Variants in MSI1 observed in about 807,000 individuals in gnomAD.
MSI1 encodes the protein RNA-binding protein Musashi homolog 1.
A neutral mutation model predicts 54.4 loss-of-function variants in MSI1; 15 were observed. The ratio of observed to expected loss-of-function variants is 0.28; its 90% confidence interval spans 0.18 to 0.42. The LOEUF is 0.42. Ranked by LOEUF, MSI1 falls within the 20% of genes least tolerant of loss-of-function variation. MSI1 has a pLI of 1.00. For synonymous variants in MSI1, 200 were observed against 196.5 expected (o/e 1.02, Z -0.15); for missense variants, 304 against 506.0 (o/e 0.60, Z 3.83).
intron 7 of MSI1, 101 bp from the exon 8 acceptor site, chr12:120,357,999 G>C: frequency 3.1e-6 from 3 of 968,328 alleles, no homozygotes; most frequent in Non-Finnish European, 4.9e-6. Flanking sequence ...TCTCTCTGGC[G>C]AGTGAGAGTT....
Position 120,364,750 on chromosome 12 carries a change from G to A in MSI1, c.273C>T (p.Asp91=), listed in dbSNP as rs1470834565. ...SRHELDSKTI[D]PKVAFPRRAQ... is the part of the protein sequence containing the mutation. ...CTCGCCGAGGGAAGGCCACCTTAGG[G>A]TCAATCTACAAGAAAAGGGAGAGGT... The change falls in exon 5 of 15, where the codon GAC becomes GAT. Residue 91 remains aspartate, a synonymous_variant. Transcript: ENST00000257552. 6.3e-7 allele frequency: 1 copy of A among 1,599,688 alleles called. No individual in the cohort carries two copies. Among genetic ancestry groups the A allele is most frequent in the Non-Finnish European group, 8.5e-7 (1 of 1,173,362 alleles).
At chr12:120,355,862 G>A (rs188769668) in intron 9 of MSI1, among the ~76,000 whole-genome samples, 77 of 147,472 alleles carry the variant, frequency 5.2e-4, no homozygotes, top group African/African-American at 1.9e-3. Flanking sequence ...AGCCCATGCC[G>A]TGCCCCCTCC....
At position 120,346,254 on chromosome 12, in the gene MSI1, TC is replaced by T; in HGVS notation, c.927del (p.Thr310ProfsTer43). ...STPSRTGGFL[G>X]TTSPGPMAEL... ...TCGGCCATGGGGCCGGGGCTGGTGG[TC>T]CCCAGGAAGCCCCCTGTGCGGCTGG... On this transcript the variant is annotated frameshift_variant, in exon 13 of 15. Transcript: ENST00000257552. LOFTEE classifies it high-confidence loss of function. 1 of 1,593,172 alleles carries T rather than the reference TC, an allele frequency of 6.3e-7. No homozygotes were observed. Among genetic ancestry groups the T allele is most frequent in the Non-Finnish European group, 8.5e-7 (1 of 1,170,542 alleles).
chr12:120,346,508 C>T (rs1394030607), intron 12 of MSI1, among the ~76,000 whole-genome samples, 186 bp from the exon 13 acceptor site: 1 of 151,808 alleles, frequency 6.6e-6, no homozygotes, highest in African/African-American at 2.4e-5. Flanking sequence ...CCCATCATCT[C>T]GTCTGACCAC....
intron 11 of MSI1, among the ~76,000 whole-genome samples, chr12:120,349,311 C>T (rs1874407524): frequency 6.6e-6 from 1 of 152,122 alleles, no homozygotes; most frequent in Non-Finnish European, 1.5e-5. Flanking sequence ...GTTGGCCAGG[C>T]TGGTCTCAAA....
chr12:120,368,786 G>T lies in MSI1; in HGVS notation c.100+47C>A. 1 of 1,387,656 alleles carries T rather than the reference G, an allele frequency of 7.2e-7. No homozygotes were observed. 86.0% of individuals were successfully genotyped at this position (1,387,656 alleles called of 1,614,324 possible). A position where few individuals can be genotyped will look rare whatever the true frequency, so the allele number is the denominator to read the frequency against. On this transcript the variant is annotated intron_variant, in intron 2 of 14. Coordinates refer to ENST00000257552, the MANE Select transcript of MSI1 (RefSeq NM_002442.4). The surrounding 1 kb of genome is among the most constrained non-coding windows in gnomAD (Gnocchi z 6.6). ...GTGTCCGGGTCCGGGGCGCCGGGGG[G>T]TCCGGGGTGCCCTGCCGGACCGGCG...
chr12:120,345,515 C>T (rs981563024), intron 14 of MSI1, 55 bp downstream of exon 14: 22 of 1,536,838 alleles, frequency 1.4e-5, no homozygotes, highest in Non-Finnish European at 2.0e-5. Flanking sequence ...ATTCGATGGC[C>T]CAGGACAGGC....
intron 14 of MSI1, among the ~76,000 whole-genome samples, chr12:120,345,025 A>G (rs189587304): frequency 9.2e-5 from 14 of 151,864 alleles, no homozygotes; most frequent in Admixed American, 5.2e-4. Context: ...CAAAAATAAA[A>G]TAAAATAATA....
At position 120,341,912 on chromosome 12, in the gene MSI1, G is replaced by T. The variant is rs1873695978; in HGVS notation, c.*1215C>A. The T allele has an allele frequency of 6.6e-6, 1 of 152,654 alleles. No homozygotes were observed. 9.5% of individuals were successfully genotyped at this position (152,654 alleles called of 1,614,324 possible). On this transcript the variant is annotated 3_prime_UTR_variant, in exon 15 of 15. Transcript: ENST00000257552. Reference sequence around the variant, plus strand: ...GCCAGCCAGGCCACTGTTCATGAAGGTCCAACGCTCTGAACCTCTCTTTTT... The same window carrying T: ...GCCAGCCAGGCCACTGTTCATGAAGTTCCAACGCTCTGAACCTCTCTTTTT...
intron 9 of MSI1, 56 bp from the exon 10 acceptor site, chr12:120,353,435 A>G: frequency 6.6e-7 from 1 of 1,520,472 alleles, no homozygotes; most frequent in Non-Finnish European, 9.1e-7. Flanking sequence ...GATCCTGATC[A>G]TGGAGAAGGA....
chr12:120,366,447 G>A (rs184749352), intron 4 of MSI1, among the ~76,000 whole-genome samples: 181 of 151,960 alleles, frequency 1.2e-3, no homozygotes, highest in Middle Eastern at 6.8e-3. Flanking sequence ...ACACCTCCAC[G>A]GACATGTCCA....
chr12:120,340,729 G>C (rs2136866185), downstream of MSI1, among the ~76,000 whole-genome samples: 1 of 151,752 alleles, frequency 6.6e-6, no homozygotes, highest in East Asian at 1.9e-4. Flanking sequence ...GCCCAGGCTG[G>C]TCTTGAACCC....
Position 120,368,329 on chromosome 12 carries a change from C to CT in MSI1, c.101-57_101-56insA. On this transcript the variant is annotated intron_variant, in intron 2 of 14. Transcript: ENST00000257552. The surrounding 1 kb of genome is among the most constrained non-coding windows in gnomAD (Gnocchi z 6.6). ...CCGGGCCCCGCGCCCTTCCCCCCCCCCCGTCCTTTGCCCCCGGTGACCCCG... is the reference window on the plus strand; with the variant it reads ...CCGGGCCCCGCGCCCTTCCCCCCCCCTCCGTCCTTTGCCCCCGGTGACCCCG... 6.5e-7 allele frequency: 1 copy of CT among 1,530,038 alleles called. No individual in the cohort carries two copies. Among genetic ancestry groups the CT allele is most frequent in the East Asian group, 2.5e-5 (1 of 40,598 alleles). 94.8% of individuals were successfully genotyped at this position (1,530,038 alleles called of 1,614,324 possible).
chr12:120,343,562 T>A (rs878946306), intron 14 of MSI1, among the ~76,000 whole-genome samples: 1 of 152,000 alleles, frequency 6.6e-6, no homozygotes, highest in Admixed American at 6.6e-5. Flanking sequence ...GATGCCTCTT[T>A]CCCCAGATTT....
intron 9 of MSI1, among the ~76,000 whole-genome samples, chr12:120,353,761 C>T (rs1874840934): frequency 6.6e-6 from 1 of 152,204 alleles, no homozygotes; most frequent in Non-Finnish European, 1.5e-5. Flanking sequence ...TGTTTTTCAG[C>T]TTTGCCAAGC....
At chr12:120,345,654 T>C in intron 13 of MSI1, 22 bp from the exon 14 acceptor site, 2 of 1,613,646 alleles carry the variant, frequency 1.2e-6, no homozygotes. Context: ...AGAATTTGAC[T>C]CCTAGATTCC....
chr12:120,351,302 C>T (rs1169557470), intron 11 of MSI1, 42 bp downstream of exon 11: 4 of 1,576,172 alleles, frequency 2.5e-6, no homozygotes, highest in Middle Eastern at 2.0e-4. Flanking sequence ...TTCTGTTTCT[C>T]CCCATGTGGC....
chr12:120,358,251 C>T (rs1875310086), intron 7 of MSI1, among the ~76,000 whole-genome samples: 1 of 152,344 alleles, frequency 6.6e-6, no homozygotes, highest in South Asian at 2.1e-4. Context: ...TTTAAACTTA[C>T]ACAAAGGTGT....
In MSI1 at chr12:120,368,607, A is replaced by C. The variant is rs1876181137; in HGVS notation, c.100+226T>G. Among the ~76,000 whole-genome samples the C allele has an allele frequency of 6.7e-6, 1 of 149,350 alleles. No individual in the cohort carries two copies. The highest frequency in any genetic ancestry group is 1.5e-5 in the Non-Finnish European group (1 of 67,220). ...CCGGCGGGTCCCGGGGGCCCAGCCC[A>C]CCCCCCGATACCCCCTGAACCCCTC... On this transcript the variant is annotated intron_variant, in intron 2 of 14. Coordinates refer to ENST00000257552, the MANE Select transcript of MSI1 (RefSeq NM_002442.4). This position sits in a 1 kb window ranked among gnomAD's most constrained non-coding sequence, Gnocchi z 6.6.
Sources: allele counts gnomAD v4.1 joint callset (sites outside exome capture counted in the v4.1 genomes callset), GRCh38; gene constraint gnomAD v4.1.1; non-coding constraint Gnocchi (gnomAD v3.1); transcripts MANE v1.5; gene names NCBI Gene and HGNC (gene_info 2026-07-23, HGNC 2026-07-21).